CNNM2: variants seen among roughly 807,000 people sequenced by gnomAD.
The protein encoded by CNNM2 is cyclin and CBS domain divalent metal cation transport mediator 2, also known as metal transporter CNNM2.
CNNM2 carries 12 observed loss-of-function variants against 66.9 expected under a neutral mutation model. That is an observed-to-expected ratio of 0.18 (90% confidence interval 0.11 to 0.29). CNNM2 has a LOEUF of 0.29. Ranked by LOEUF, CNNM2 falls within the 10% of genes least tolerant of loss-of-function variation. CNNM2 has a pLI of 1.00. For synonymous variants in CNNM2, 557 were observed against 501.8 expected, an observed-to-expected ratio of 1.11 and a Z score of -1.47; for missense variants, 705 against 1,167.7, an observed-to-expected ratio of 0.60 and a Z score of 5.77.
Position 103,090,090 on chromosome 10 carries a change from C to T in CNNM2, c.*12910C>T, listed in dbSNP as rs1564898427. ...AGTTGCCTGTCTTCCTCTCTCCCTG[C>T]CCCTCAAAATGGTGCCCATATTGTC... On this transcript the variant is annotated 3_prime_UTR_variant, in exon 8 of 8. Transcript: ENST00000369878. 4.1e-6 allele frequency: 2 copies of T among 484,978 alleles called. No homozygotes were observed. Among genetic ancestry groups the T allele is most frequent in the Non-Finnish European group, 7.1e-6 (2 of 280,548 alleles). The allele number at this position is 484,978 out of a possible 1,614,324, so 30.0% of individuals were successfully genotyped here.
At chr10:102,978,707 G>T (rs1353881625) in intron 1 of CNNM2, among the ~76,000 whole-genome samples, 1 of 152,168 alleles carries the variant, frequency 6.6e-6, no homozygotes, top group Non-Finnish European at 1.5e-5. Context: ...TCGCAAACTG[G>T]TCATACCTGT....
intron 1 of CNNM2, among the ~76,000 whole-genome samples, chr10:102,977,603 C>T (rs984465838): frequency 2.0e-5 from 3 of 152,030 alleles, no homozygotes; most frequent in Admixed American, 6.6e-5. Flanking sequence ...GGTGGATCAC[C>T]TGAGGTCAGG....
chr10:102,986,329 C>G lies in CNNM2; in HGVS notation c.1622-63378C>G, dbSNP rs537474518. Among the ~76,000 whole-genome samples, 6 of 151,936 alleles carry G rather than the reference C, an allele frequency of 3.9e-5. No homozygotes were observed. The East Asian group carries it at 1.2e-3, about 30-fold the overall frequency. ...AGTGCAGTGGTGTGATCTCGGCTCA[C>G]TGCAACCTCTGCCTCCCGGGTTCAA... is the stretch of plus-strand genomic sequence containing the variant. On this transcript the variant is annotated intron_variant, in intron 1 of 7. Transcript: ENST00000369878.
intron 2 of CNNM2, among the ~76,000 whole-genome samples, chr10:103,053,474 C>T (rs944085245): frequency 1.1e-4 from 17 of 152,312 alleles, no homozygotes; most frequent in African/African-American, 4.1e-4. Flanking sequence ...TGCGATTGTG[C>T]TGCTGTACTC....
chr10:103,015,782 G>C (rs945207068), intron 1 of CNNM2, among the ~76,000 whole-genome samples: 9 of 152,092 alleles, frequency 5.9e-5, no homozygotes, highest in Middle Eastern at 3.2e-3. Flanking sequence ...GAACCCGGGA[G>C]GTAGAAGTTC....
chr10:103,030,778 A>G (rs745753723), intron 1 of CNNM2, among the ~76,000 whole-genome samples: 1 of 152,206 alleles, frequency 6.6e-6, no homozygotes, highest in Non-Finnish European at 1.5e-5. Flanking sequence ...AGGTACCAAT[A>G]TGTCATAGCC....
intron 1 of CNNM2, among the ~76,000 whole-genome samples, chr10:103,023,473 G>A (rs944446458): frequency 2.0e-5 from 3 of 152,146 alleles, no homozygotes. Context: ...GCTTGAACCT[G>A]GGAGGCGGAG....
At chr10:103,065,504 T>G (rs571769961) in intron 4 of CNNM2, among the ~76,000 whole-genome samples, 9 of 152,338 alleles carry the variant, frequency 5.9e-5, no homozygotes, top group African/African-American at 2.2e-4. Flanking sequence ...GTTTTCTGTT[T>G]TACAGTCTTG....
rs1408139911 is a variant in CNNM2 at position 102,918,558 on chromosome 10, G to A, written c.78G>A (p.Lys26=). 1 of 1,592,006 alleles carries A rather than the reference G, an allele frequency of 6.3e-7. No homozygotes were observed. ...CAGCCGCCGCACTGCCCACTTGGAA[G>A]ATGGCGGCGCGCCGCAGCCTCAGCG... ...GQAAAALPTW[K]MAARRSLSAR... Residue 26 remains lysine (K), a synonymous_variant, in exon 1 of 8, where the codon AAG becomes AAA. Coordinates refer to ENST00000369878, the MANE Select transcript of CNNM2 (RefSeq NM_017649.5). The surrounding 1 kb of genome is among the most constrained non-coding windows in gnomAD (Gnocchi z 4.1).
intron 1 of CNNM2, among the ~76,000 whole-genome samples, chr10:102,930,369 T>A (rs1386570280): frequency 1.3e-5 from 2 of 152,196 alleles, no homozygotes; most frequent in African/African-American, 4.8e-5. Context: ...CCAGTCTTTG[T>A]GAAAATCTCC....
At chr10:103,043,648 G>A (rs1194381890) in intron 1 of CNNM2, among the ~76,000 whole-genome samples, 1 of 152,168 alleles carries the variant, frequency 6.6e-6, no homozygotes, top group African/African-American at 2.4e-5. Context: ...GCAGGCAGAG[G>A]TAGAAATTTG....
intron 4 of CNNM2, among the ~76,000 whole-genome samples, chr10:103,065,907 T>G (rs917222577): frequency 6.6e-6 from 1 of 152,134 alleles, no homozygotes; most frequent in African/African-American, 2.4e-5. Flanking sequence ...GGACCCTACT[T>G]CAGGGACTTC....
chr10:102,992,233 T>C (rs994384486), intron 1 of CNNM2, among the ~76,000 whole-genome samples: 1 of 150,556 alleles, frequency 6.6e-6, no homozygotes, highest in African/African-American at 2.4e-5. Flanking sequence ...ACCCACATTG[T>C]AGTGGGGGCA....
At chr10:102,949,673 A>G (rs1219970157) in intron 1 of CNNM2, among the ~76,000 whole-genome samples, 1 of 152,062 alleles carries the variant, frequency 6.6e-6, no homozygotes, top group Non-Finnish European at 1.5e-5. Flanking sequence ...AATCCCAGCT[A>G]CTAGGGAAGC....
At chr10:103,024,557 C>T (rs1264258525) in intron 1 of CNNM2, among the ~76,000 whole-genome samples, 3 of 152,214 alleles carry the variant, frequency 2.0e-5, no homozygotes, top group East Asian at 1.9e-4. Flanking sequence ...CGGCTCACTG[C>T]AATCTCCGCC....
intron 5 of CNNM2, among the ~76,000 whole-genome samples, chr10:103,071,466 G>A (rs781345084): frequency 5.3e-5 from 8 of 152,174 alleles, no homozygotes; most frequent in Non-Finnish European, 7.3e-5. Flanking sequence ...AGCTACTGGT[G>A]ATTTAAGCCC....
At chr10:102,948,245 C>G (rs1336017124) in intron 1 of CNNM2, among the ~76,000 whole-genome samples, 1 of 152,116 alleles carries the variant, frequency 6.6e-6, no homozygotes, top group African/African-American at 2.4e-5. Flanking sequence ...AGCAAATCAT[C>G]ACACGAATAA....
intron 1 of CNNM2, among the ~76,000 whole-genome samples, chr10:103,039,648 G>T (rs2065005128): frequency 6.6e-6 from 1 of 152,130 alleles, no homozygotes; most frequent in Non-Finnish European, 1.5e-5. Flanking sequence ...TGTGGGTATA[G>T]AGTCCCAGGC....
chr10:102,948,525 G>T (rs1292683072), intron 1 of CNNM2, among the ~76,000 whole-genome samples: 2 of 152,156 alleles, frequency 1.3e-5, no homozygotes, highest in African/African-American at 2.4e-5. Context: ...GGTAGGTTGG[G>T]TGGTACAAGA....
Sources: allele counts gnomAD v4.1 joint callset (sites outside exome capture counted in the v4.1 genomes callset), GRCh38; gene constraint gnomAD v4.1.1; non-coding constraint Gnocchi (gnomAD v3.1); transcripts MANE v1.5; gene names NCBI Gene and HGNC (gene_info 2026-07-23, HGNC 2026-07-21).